Variants in UBE2U observed in about 807,000 individuals in gnomAD.
UBE2U encodes ubiquitin-conjugating enzyme E2 U.
Under a neutral mutation model 41.2 loss-of-function variants are expected in UBE2U, and 39 were observed. That is an observed-to-expected ratio of 0.95 (90% CI 0.73 to 1.24). The LOEUF (loss-of-function observed/expected upper bound fraction) is 1.24, where lower values mean the gene tolerates loss of function less well. UBE2U is among the 50% of genes most tolerant of loss of function. UBE2U has a pLI of 0.00. For missense variants in UBE2U, 336 were observed against 363.1 expected, an observed-to-expected ratio of 0.93 and a Z score of 0.61; for synonymous variants, 107 against 117.8, an observed-to-expected ratio of 0.91 and a Z score of 0.60.
rs754709262 is a variant in UBE2U at position 64,205,720 on chromosome 1, G to A, written c.148G>A (p.Gly50Ser). 6.2e-7 allele frequency: 1 copy of A among 1,609,820 alleles called. No homozygotes were observed. Among genetic ancestry groups the A allele is most frequent in the Non-Finnish European group, 8.5e-7 (1 of 1,178,070 alleles). ...IEGLQNSVWQ[G>S]LVFQLTIHFT... is the part of the protein sequence containing the mutation. Reference sequence around the variant, plus strand: ...AGGTCTACAGAATTCAGTTTGGCAGGGTTTGTATTTTCAAAACCAATCTAT... The same window carrying A: ...AGGTCTACAGAATTCAGTTTGGCAGAGTTTGTATTTTCAAAACCAATCTAT... Residue 50 changes from glycine (G) to serine (S), a missense_variant and splice_region_variant, in exon 2 of 10, where the codon GGT (glycine) becomes AGT (serine). Gly to Ser is a moderately conservative substitution (Grantham distance 56). Coordinates refer to ENST00000371077, the MANE Select transcript of UBE2U (RefSeq NM_001366232.2).
Position 64,220,865 on chromosome 1 carries a change from A to G in UBE2U, c.464A>G (p.Asp155Gly), listed in dbSNP as rs141115728. The change falls in exon 6 of 10, where the codon GAT becomes GGT. Residue 155 changes from aspartate to glycine, a missense_variant. Transcript: ENST00000371077. ...RLFNRPLQMK[D>G]DSQELPKDPR... The stretch of plus-strand genomic sequence containing the variant: ...TCATATTTTTTCTTTATAGTGAAAG[A>G]TGACAGCCAGGAGTTACCTAAAGAC... 1.9e-6 allele frequency: 3 copies of G among 1,606,726 alleles called. No individual in the cohort carries two copies. In the African/African-American group the frequency reaches 4.0e-5, roughly 22 times the overall value.
chr1:64,218,618 C>T lies in UBE2U; in HGVS notation c.458-2241C>T, dbSNP rs556436500. On this transcript the variant is annotated intron_variant, in intron 5 of 9. Transcript: ENST00000371077. ...TCTATACTAATATTTCTAGGCTTTT[C>T]GGTTTTAGATATTATTTATAGACTT... Among the ~76,000 whole-genome samples, 30 of 152,176 alleles carry T rather than the reference C, an allele frequency of 2.0e-4. No homozygotes were observed. The South Asian group carries it at 3.1e-3, about 16-fold the overall frequency.
chr1:64,221,692 A>T (rs1221817656), intron 6 of UBE2U, among the ~76,000 whole-genome samples: 1 of 152,210 alleles, frequency 6.6e-6, no homozygotes, highest in Non-Finnish European at 1.5e-5. Context: ...TTATCTTGAT[A>T]GTCAATCAGA....
At chr1:64,242,410 AGT>A (rs914947213) in intron 8 of UBE2U, among the ~76,000 whole-genome samples, 1 of 151,996 alleles carries the variant, frequency 6.6e-6, no homozygotes, top group African/African-American at 2.4e-5. Context: ...AGGTACTCTG[AGT>A]GTGTGACCAT....
At chr1:64,206,743 A>C in intron 2 of UBE2U, 21 bp from the exon 3 acceptor site, 4 of 1,419,032 alleles carry the variant, frequency 2.8e-6, no homozygotes, top group Non-Finnish European at 3.0e-6. Context: ...TTTAGTAAAA[A>C]TGTTTATTTC....
intron 2 of UBE2U, 25 bp downstream of exon 2, chr1:64,205,745 T>A (rs1038904771): frequency 6.3e-7 from 1 of 1,593,614 alleles, no homozygotes; most frequent in African/African-American, 1.3e-5. Context: ...AACCAATCTA[T>A]TTTTTAAAAA....
intron 1 of UBE2U, 66 bp from the exon 2 acceptor site, chr1:64,205,573 G>A (rs1651241434): frequency 7.3e-7 from 1 of 1,361,126 alleles, no homozygotes; most frequent in Non-Finnish European, 1.0e-6. Flanking sequence ...CCTGGTATAT[G>A]ATTTTCAAAA....
intron 8 of UBE2U, among the ~76,000 whole-genome samples, chr1:64,251,313 A>G (rs1002456179): frequency 3.3e-5 from 5 of 152,006 alleles, no homozygotes; most frequent in African/African-American, 9.7e-5. Context: ...TAATTATGAT[A>G]ATTCATCATG....
chr1:64,206,051 A>C (rs1651277559), intron 2 of UBE2U, among the ~76,000 whole-genome samples: 1 of 152,194 alleles, frequency 6.6e-6, no homozygotes, highest in African/African-American at 2.4e-5. Context: ...TCAGGGAATA[A>C]CTATCAAAAT....
intron 7 of UBE2U, 134 bp from the exon 8 acceptor site, chr1:64,241,518 T>A (rs1644834337): frequency 3.5e-6 from 2 of 571,876 alleles, no homozygotes; most frequent in East Asian, 6.3e-5. Context: ...AGGATTGTAA[T>A]ATGACTTGAA....
chr1:64,205,629 T>G lies in UBE2U; in HGVS notation c.67-10T>G, dbSNP rs368215481. ...GTTTTTTCTGATTTAATTTTGTTTT[T>G]AACTTCAAGGGTATCACTGCTAAGC... On this transcript the variant is annotated splice_polypyrimidine_tract_variant and intron_variant, in intron 1 of 9. Coordinates refer to ENST00000371077, the MANE Select transcript of UBE2U (RefSeq NM_001366232.2). The G allele has an allele frequency of 5.6e-6, 9 of 1,602,374 alleles. No individual in the cohort carries two copies. Among genetic ancestry groups the G allele is most frequent in the Non-Finnish European group, 6.0e-6 (7 of 1,176,036 alleles).
intron 7 of UBE2U, among the ~76,000 whole-genome samples, chr1:64,233,940 A>G (rs150831979): frequency 1.3e-5 from 2 of 152,236 alleles, no homozygotes; most frequent in African/African-American, 4.8e-5. Context: ...GCTCTCCTTG[A>G]TTTACATGAT....
At chr1:64,245,294 T>A (rs1644902518) in intron 8 of UBE2U, among the ~76,000 whole-genome samples, 1 of 152,200 alleles carries the variant, frequency 6.6e-6, no homozygotes, top group African/African-American at 2.4e-5. Context: ...TGTATTTAAG[T>A]TCTCCAGAGA....
At chr1:64,226,345 T>C (rs1042077738) in intron 6 of UBE2U, among the ~76,000 whole-genome samples, 1 of 151,994 alleles carries the variant, frequency 6.6e-6, no homozygotes, top group Admixed American at 6.6e-5. Flanking sequence ...ATCCGATCGG[T>C]GATTGCCCAG....
intron 8 of UBE2U, among the ~76,000 whole-genome samples, chr1:64,250,911 C>T (rs867705663): frequency 7.5e-4 from 72 of 96,166 alleles, no homozygotes; most frequent in Middle Eastern, 7.7e-3. Context: ...CAAGGCCTGT[C>T]GTGGGGTGGG....
intron 9 of UBE2U, among the ~76,000 whole-genome samples, chr1:64,263,779 T>C (rs968250589): frequency 2.7e-4 from 41 of 152,154 alleles, no homozygotes; most frequent in Non-Finnish European, 1.5e-5. Context: ...GCTTGGGAAG[T>C]TGTTCATATC....
chr1:64,264,156 AAACC>A (rs1645219692), intron 9 of UBE2U, among the ~76,000 whole-genome samples: 1 of 152,238 alleles, frequency 6.6e-6, no homozygotes, highest in African/African-American at 2.4e-5. Context: ...GAATAGAAAT[AAACC>A]ATTTGGCAAT....
At chr1:64,239,150 G>A (rs1344335073) in intron 7 of UBE2U, among the ~76,000 whole-genome samples, 1 of 28,444 alleles carries the variant, frequency 3.5e-5, no homozygotes, top group East Asian at 2.4e-3. Flanking sequence ...AGAAGAAGAA[G>A]AAGAAGAAAG....
intron 6 of UBE2U, among the ~76,000 whole-genome samples, chr1:64,224,311 C>T (rs911014188): frequency 6.6e-6 from 1 of 152,100 alleles, no homozygotes; most frequent in Non-Finnish European, 1.5e-5. Context: ...TAGAATTATA[C>T]ATCATGAGAA....
Sources: allele counts gnomAD v4.1 joint callset (sites outside exome capture counted in the v4.1 genomes callset), GRCh38; gene constraint gnomAD v4.1.1; transcripts MANE v1.5; gene names NCBI Gene and HGNC (gene_info 2026-07-23, HGNC 2026-07-21).